The following MSRB3 variants were observed in gnomAD, a reference collection of about 807,000 sequenced individuals.
MSRB3 encodes the protein methionine sulfoxide reductase B3, also known as methionine-R-sulfoxide reductase B3.
Under a neutral mutation model 21.0 loss-of-function variants are expected in MSRB3, and 13 were observed. The ratio of observed to expected loss-of-function variants is 0.62; its 90% confidence interval spans 0.40 to 0.98. The LOEUF (loss-of-function observed/expected upper bound fraction) is 0.98. Ranked by LOEUF, MSRB3 falls within the 50% of genes least tolerant of loss-of-function variation. The probability of loss-of-function intolerance (pLI) is 0.00; values close to 1 mark genes in which losing one functional copy is unlikely to be tolerated. For missense variants in MSRB3, 199 were observed against 230.3 expected (o/e 0.86, Z 0.88); for synonymous variants, 87 against 88.6 (o/e 0.98, Z 0.10).
intron 5 of MSRB3, among the ~76,000 whole-genome samples, chr12:65,392,707 G>A (rs184012372): frequency 9.1e-4 from 139 of 152,280 alleles, no homozygotes; most frequent in Non-Finnish European, 1.5e-3. Context: ...CCAAGTAGTT[G>A]CGAGCGTGTA....
intron 5 of MSRB3, among the ~76,000 whole-genome samples, chr12:65,407,048 A>T (rs1043224837): frequency 3.3e-5 from 5 of 152,186 alleles, no homozygotes; most frequent in African/African-American, 1.2e-4. Context: ...TTGTTATAGC[A>T]GTGGGAATGG....
Position 65,449,281 on chromosome 12 carries a change from C to T in MSRB3, c.293-4447C>T, listed in dbSNP as rs1050611163. Among the ~76,000 whole-genome samples the T allele has an allele frequency of 2.6e-5, 4 of 151,314 alleles. No individual in the cohort carries two copies. In the East Asian group the frequency reaches 7.8e-4, roughly 29 times the overall value. Reference sequence around the variant, plus strand: ...CTTGACCTCCTGACCTCATGATCCACCCCCCCAGAGTGAATATTAAATAAT... The same window carrying T: ...CTTGACCTCCTGACCTCATGATCCATCCCCCCAGAGTGAATATTAAATAAT... On this transcript the variant is annotated intron_variant, in intron 5 of 6. Transcript: ENST00000308259.
chr12:65,373,595 G>T lies in MSRB3; in HGVS notation c.292+4569G>T, dbSNP rs547683455. On this transcript the variant is annotated intron_variant, in intron 5 of 6. Transcript: ENST00000308259. ...GTGCTTGTTGATTCTGGGCTGCTTG[G>T]AATAGCTATACTAAGGAAATGGGCT... 5.3e-5 allele frequency among the ~76,000 whole-genome samples: 8 copies of T among 152,148 alleles called. 1 individual carries two copies. In the South Asian group the frequency reaches 1.5e-3, roughly 28 times the overall value.
At chr12:65,374,989 A>G (rs1015043833) in intron 5 of MSRB3, among the ~76,000 whole-genome samples, 1 of 149,264 alleles carries the variant, frequency 6.7e-6, no homozygotes, top group South Asian at 2.1e-4. Flanking sequence ...AGCCGGGACT[A>G]CAGGCACCCG....
intron 6 of MSRB3, among the ~76,000 whole-genome samples, chr12:65,458,514 G>A (rs1305729224): frequency 1.3e-5 from 2 of 152,196 alleles, no homozygotes; most frequent in Non-Finnish European, 2.9e-5. Context: ...TAAAAGAATT[G>A]TTGTGTAGGA....
At chr12:65,450,860 T>C (rs1882824519) in intron 5 of MSRB3, among the ~76,000 whole-genome samples, 1 of 152,216 alleles carries the variant, frequency 6.6e-6, no homozygotes, top group South Asian at 2.1e-4. Flanking sequence ...TTAAATACTT[T>C]CACATGATGA....
chr12:65,409,107 A>G (rs1205234344), intron 5 of MSRB3, among the ~76,000 whole-genome samples: 1 of 151,658 alleles, frequency 6.6e-6, no homozygotes, highest in East Asian at 1.9e-4. Flanking sequence ...TGTTAATTAC[A>G]GCAATATATT....
At chr12:65,308,733 C>T in intron 2 of MSRB3, 78 bp downstream of exon 2, 1 of 1,592,150 alleles carries the variant, frequency 6.3e-7, no homozygotes, top group Non-Finnish European at 8.6e-7. Flanking sequence ...GATACACCAT[C>T]ATGCTTTGCT....
At chr12:65,444,925 T>C (rs1176755238) in intron 5 of MSRB3, among the ~76,000 whole-genome samples, 1 of 152,214 alleles carries the variant, frequency 6.6e-6, no homozygotes, top group Non-Finnish European at 1.5e-5. Context: ...TCTCCGTTTA[T>C]ATTCATCCCT....
chr12:65,463,423 G>A lies in MSRB3; in HGVS notation c.*101G>A. ...GATATATTTTTTCAAAAACTATAAG[G>A]GCAGTTTTGTGCTATTGATATTTTT... On this transcript the variant is annotated 3_prime_UTR_variant, in exon 7 of 7. Transcript: ENST00000308259. 1 of 1,396,870 alleles carries A rather than the reference G, an allele frequency of 7.2e-7. No homozygotes were observed. Among genetic ancestry groups the A allele is most frequent in the East Asian group, 2.5e-5 (1 of 40,066 alleles). 86.5% of individuals were successfully genotyped at this position (1,396,870 alleles called of 1,614,324 possible).
intron 5 of MSRB3, among the ~76,000 whole-genome samples, chr12:65,385,997 C>G (rs1286670879): frequency 6.6e-6 from 1 of 151,892 alleles, no homozygotes; most frequent in Non-Finnish European, 1.5e-5. Context: ...AGCATGAGAA[C>G]TTTAGTACAC....
chr12:65,386,065 T>C (rs1250544349), intron 5 of MSRB3, among the ~76,000 whole-genome samples: 3 of 151,930 alleles, frequency 2.0e-5, no homozygotes, highest in African/African-American at 7.2e-5. Context: ...AAAAATCATT[T>C]TTTAAGAATT....
Position 65,279,006 on chromosome 12 carries a change from C to T in MSRB3, c.-52+141C>T, listed in dbSNP as rs1231597607. ...GGCCACCTGCGGGGACAGCCCCTGC[C>T]TCAGCCGAGAAGGGGAGCAGAAGGG... On this transcript the variant is annotated intron_variant, in intron 1 of 6. Transcript: ENST00000308259. 8 of 1,469,122 alleles carry T rather than the reference C, an allele frequency of 5.4e-6. No individual in the cohort carries two copies. In the South Asian group the frequency reaches 8.3e-5, roughly 15 times the overall value. The allele number at this position is 1,469,122 out of a possible 1,614,324, so 91.0% of individuals were successfully genotyped here. A position where few individuals can be genotyped will look rare whatever the true frequency, so the allele number is the denominator to read the frequency against.
Position 65,338,358 on chromosome 12 carries a change from G to A in MSRB3, c.263+9755G>A, listed in dbSNP as rs1052141937. Among the ~76,000 whole-genome samples the A allele has an allele frequency of 5.9e-5, 9 of 152,282 alleles. No homozygotes were observed. In the South Asian group the frequency reaches 1.0e-3, roughly 18 times the overall value. ...ACAGTTGTAAATAATGTAGTCAAAT[G>A]TAGTTAAATAATTGGGAAGTGGTGA... is the stretch of plus-strand genomic sequence containing the variant. On this transcript the variant is annotated intron_variant, in intron 4 of 6. Transcript: ENST00000308259.
At chr12:65,325,188 T>C (rs745582731) in intron 2 of MSRB3, among the ~76,000 whole-genome samples, 1 of 152,252 alleles carries the variant, frequency 6.6e-6, no homozygotes. Flanking sequence ...GAGAGGCTTG[T>C]TCTGATAGGA....
chr12:65,293,176 C>T (rs761157761), intron 1 of MSRB3, among the ~76,000 whole-genome samples: 4 of 152,112 alleles, frequency 2.6e-5, no homozygotes, highest in Non-Finnish European at 5.9e-5. Context: ...TTGAAGTCCT[C>T]TTAAATTTTT....
At chr12:65,300,194 G>C (rs1032378077) in intron 1 of MSRB3, among the ~76,000 whole-genome samples, 2 of 152,130 alleles carry the variant, frequency 1.3e-5, no homozygotes, top group South Asian at 4.1e-4. Context: ...TCTTCACATC[G>C]TCATTTTATT....
chr12:65,430,889 C>T (rs570226238), intron 5 of MSRB3, among the ~76,000 whole-genome samples: 17 of 152,146 alleles, frequency 1.1e-4, no homozygotes, highest in African/African-American at 3.6e-4. Flanking sequence ...CCACTTCATA[C>T]AGGCAAGTCT....
chr12:65,428,885 C>CT lies in MSRB3; in HGVS notation c.293-24836dup, dbSNP rs1293629548. Reference sequence around the variant, plus strand: ...ATGGGGTGTCCTCCCTTGGAATATCCTTTTTTTCCCCATAAGATAGACATG... The same window carrying CT: ...ATGGGGTGTCCTCCCTTGGAATATCCTTTTTTTTCCCCATAAGATAGACATG... On this transcript the variant is annotated intron_variant, in intron 5 of 6. Transcript: ENST00000308259. Among the ~76,000 whole-genome samples, 7 of 152,200 alleles carry CT rather than the reference C, an allele frequency of 4.6e-5. No homozygotes were observed. The South Asian group carries it at 1.5e-3, about 32-fold the overall frequency.
Sources: allele counts gnomAD v4.1 joint callset (sites outside exome capture counted in the v4.1 genomes callset), GRCh38; gene constraint gnomAD v4.1.1; transcripts MANE v1.5; gene names NCBI Gene and HGNC (gene_info 2026-07-23, HGNC 2026-07-21).